Variants in EPHA3 observed in about 807,000 individuals in gnomAD.
EPHA3 encodes EPH receptor A3, also known as ephrin type-A receptor 3.
EPHA3 carries 42 observed loss-of-function variants against 107.1 expected under a neutral mutation model. The ratio of observed to expected loss-of-function variants is 0.39; its 90% CI spans 0.31 to 0.51. EPHA3 has a LOEUF of 0.51. EPHA3 is among the 20% of genes least tolerant of loss of function. The pLI is 0.78. For synonymous variants in EPHA3, 461 were observed against 424.8 expected (o/e 1.09, Z -1.05); for missense variants, 1,183 against 1,211.2 (o/e 0.98, Z 0.35).
chr3:89,359,444 C>A (rs62275015), intron 5 of EPHA3, among the ~76,000 whole-genome samples: 34,719 of 150,160 alleles, frequency 0.23, 5,245 homozygotes, highest in Non-Finnish European at 0.29. Context: ...TGTTAATCTA[C>A]ATGCACACTT....
chr3:89,188,286 T>C (rs1705621083), intron 2 of EPHA3, among the ~76,000 whole-genome samples: 1 of 152,202 alleles, frequency 6.6e-6, no homozygotes, highest in Non-Finnish European at 1.5e-5. Flanking sequence ...ATGACACCCA[T>C]GTTGCCAAAC....
At chr3:89,417,446 G>A (rs1292901950) in intron 10 of EPHA3, among the ~76,000 whole-genome samples, 1 of 151,402 alleles carries the variant, frequency 6.6e-6, no homozygotes, top group African/African-American at 2.4e-5. Flanking sequence ...AGAACTTTCT[G>A]GTTTTCCCAA....
chr3:89,171,508 C>T (rs62274635), intron 2 of EPHA3, among the ~76,000 whole-genome samples: 15,213 of 152,070 alleles, frequency 0.1, 871 homozygotes, highest in Admixed American at 0.13. Context: ...GAGTGAATGT[C>T]GTGGGAAGTA....
At chr3:89,408,492 C>G (rs1709096248) in intron 9 of EPHA3, among the ~76,000 whole-genome samples, 1 of 152,030 alleles carries the variant, frequency 6.6e-6, no homozygotes, top group Non-Finnish European at 1.5e-5. Context: ...AGACTTTTCT[C>G]TTTCCTAACT....
At chr3:89,372,911 A>G (rs749792978) in intron 5 of EPHA3, among the ~76,000 whole-genome samples, 20 of 151,842 alleles carry the variant, frequency 1.3e-4, no homozygotes, top group Middle Eastern at 6.3e-3. Context: ...AGAACCAAGG[A>G]TATGTCTACA....
rs375800205 is a variant in EPHA3, at chr3:89,148,864, A to T, written c.153+21591A>T. Among the ~76,000 whole-genome samples, 15 of 152,198 alleles carry T rather than the reference A, an allele frequency of 9.9e-5. No individual in the cohort carries two copies. The East Asian group carries it at 2.9e-3, about 29-fold the overall frequency. On this transcript the variant is annotated intron_variant, in intron 2 of 16. Transcript: ENST00000336596. Reference sequence around the variant, plus strand: ...AGTTAGGTATTTGCAAATAGAAAATAGACATTATTGTTTATTTGGAGTCAT... The same window carrying T: ...AGTTAGGTATTTGCAAATAGAAAATTGACATTATTGTTTATTTGGAGTCAT...
At chr3:89,372,436 T>TTGAAAAAAAA (rs1708326087) in intron 5 of EPHA3, among the ~76,000 whole-genome samples, 1 of 151,618 alleles carries the variant, frequency 6.6e-6, no homozygotes, top group Admixed American at 6.6e-5. Context: ...TATTCATATA[T>TTGAAAAAAAA]AGCACAGACT....
chr3:89,283,388 G>A (rs1471841095), intron 3 of EPHA3, among the ~76,000 whole-genome samples: 1 of 152,046 alleles, frequency 6.6e-6, no homozygotes, highest in East Asian at 1.9e-4. Flanking sequence ...TAGAGCACCT[G>A]AACATAGAAA....
At chr3:89,392,330 T>C (rs1489921216) in intron 5 of EPHA3, among the ~76,000 whole-genome samples, 3 of 151,958 alleles carry the variant, frequency 2.0e-5, no homozygotes, top group Non-Finnish European at 4.4e-5. Context: ...TCCCAGCTAC[T>C]TGGGAGGCTG....
At chr3:89,167,203 T>C (rs7374085) in intron 2 of EPHA3, among the ~76,000 whole-genome samples, 35,216 of 152,082 alleles carry the variant, frequency 0.23, 4,201 homozygotes, top group Middle Eastern at 0.33. Flanking sequence ...TGTGAAACAG[T>C]TAACTAGCTA....
intron 15 of EPHA3, among the ~76,000 whole-genome samples, chr3:89,468,416 AC>A (rs1710334044): frequency 6.6e-6 from 1 of 152,200 alleles, no homozygotes; most frequent in African/African-American, 2.4e-5. Flanking sequence ...GTGTAAAAGT[AC>A]AAACTATTCT....
chr3:89,332,018 C>T (rs1003745664), intron 3 of EPHA3, among the ~76,000 whole-genome samples: 2 of 152,152 alleles, frequency 1.3e-5, no homozygotes, highest in Non-Finnish European at 2.9e-5. Flanking sequence ...GAGCTTTATG[C>T]ATTTTGACAT....
At chr3:89,363,324 G>A (rs1708131230) in intron 5 of EPHA3, among the ~76,000 whole-genome samples, 1 of 150,562 alleles carries the variant, frequency 6.6e-6, no homozygotes, top group Non-Finnish European at 1.5e-5. Context: ...TTAAGGAATA[G>A]GCTCATGTGA....
chr3:89,255,035 A>C (rs1705249181), intron 3 of EPHA3, among the ~76,000 whole-genome samples: 1 of 152,248 alleles, frequency 6.6e-6, no homozygotes, highest in Non-Finnish European at 1.5e-5. Flanking sequence ...AAAAGTTTTC[A>C]GATCAGAAAT....
intron 3 of EPHA3, among the ~76,000 whole-genome samples, chr3:89,304,764 T>G (rs1023859792): frequency 6.6e-6 from 1 of 152,204 alleles, no homozygotes; most frequent in African/African-American, 2.4e-5. Context: ...TCTATTTCCT[T>G]TTCCTCTCTC....
At chr3:89,161,852 C>A (rs1704950631) in intron 2 of EPHA3, among the ~76,000 whole-genome samples, 1 of 151,844 alleles carries the variant, frequency 6.6e-6, no homozygotes, top group Non-Finnish European at 1.5e-5. Flanking sequence ...GGTAGCATGC[C>A]TGTAGTCTCA....
intron 3 of EPHA3, among the ~76,000 whole-genome samples, chr3:89,231,526 T>C (rs775373671): frequency 8.5e-5 from 13 of 152,310 alleles, no homozygotes; most frequent in Middle Eastern, 3.4e-3. Flanking sequence ...TGCTCTTGTG[T>C]GTGTATGTTT....
chr3:89,211,323 C>T (rs1345714622), intron 3 of EPHA3, among the ~76,000 whole-genome samples: 4 of 151,932 alleles, frequency 2.6e-5, no homozygotes, highest in African/African-American at 7.3e-5. Context: ...TATATCATAT[C>T]ATAATTTCAC....
At chr3:89,331,727 A>G (rs750854493) in intron 3 of EPHA3, among the ~76,000 whole-genome samples, 4 of 152,124 alleles carry the variant, frequency 2.6e-5, no homozygotes, top group Admixed American at 2.6e-4. Context: ...TCTAAAATTA[A>G]ATTATAAAGG....
Sources: allele counts gnomAD v4.1 joint callset (sites outside exome capture counted in the v4.1 genomes callset), GRCh38; gene constraint gnomAD v4.1.1; transcripts MANE v1.5; gene names NCBI Gene and HGNC (gene_info 2026-07-23, HGNC 2026-07-21).